The following ENG variants were observed in gnomAD, a reference collection of about 807,000 sequenced individuals.
ENG encodes CD105 antigen.
Under a neutral mutation model 71.0 loss-of-function variants are expected in ENG, and 17 were observed. That is an observed-to-expected ratio of 0.24 (90% CI 0.16 to 0.36). The LOEUF (loss-of-function observed/expected upper bound fraction) is 0.36. Ranked by LOEUF, ENG falls within the 10% of genes least tolerant of loss-of-function variation. ENG has a pLI of 1.00. For synonymous variants in ENG, 360 were observed against 366.9 expected (o/e 0.98, Z 0.21); for missense variants, 749 against 868.3 (o/e 0.86, Z 1.73).
intron 1 of ENG, among the ~76,000 whole-genome samples, chr9:127,845,379 T>C (rs1297370930): frequency 6.6e-6 from 1 of 152,184 alleles, no homozygotes; most frequent in African/African-American, 2.4e-5. Context: ...AGCTCTGTCT[T>C]GGGAAGGAGA....
intron 12 of ENG, 158 bp downstream of exon 12, chr9:127,817,962 A>G (rs1830370153): frequency 7.4e-6 from 9 of 1,208,344 alleles, no homozygotes; most frequent in Non-Finnish European, 1.0e-5. Context: ...GGTGGCAGAA[A>G]GTGCTGCTGG....
intron 2 of ENG, among the ~76,000 whole-genome samples, chr9:127,833,262 C>T (rs1182678769): frequency 6.6e-6 from 1 of 152,146 alleles, no homozygotes; most frequent in Non-Finnish European, 1.5e-5. Context: ...TGGCTTACGC[C>T]TGTAATCCCA....
At chr9:127,832,506 C>A (rs565800526) in intron 2 of ENG, 1 of 146,650 alleles carries the variant, frequency 6.8e-6, no homozygotes, top group East Asian at 2.2e-4. Flanking sequence ...TCACATTTTT[C>A]TTTTCTTTTC....
intron 2 of ENG, among the ~76,000 whole-genome samples, chr9:127,841,870 C>T (rs751170718): frequency 2.6e-5 from 4 of 152,192 alleles, no homozygotes; most frequent in Non-Finnish European, 5.9e-5. Context: ...TGGCCCTGGG[C>T]ACGTCACTCC....
chr9:127,824,167 A>T (rs2131885499), intron 8 of ENG, 137 bp downstream of exon 8: 2 of 1,243,336 alleles, frequency 1.6e-6, no homozygotes, highest in East Asian at 2.4e-5. Flanking sequence ...CAATTCCATT[A>T]TACAAGTGGG....
At position 127,847,944 on chromosome 9, in the gene ENG, T is replaced by C. The variant is rs1413742814; in HGVS notation, c.68-4699A>G. Among the ~76,000 whole-genome samples, 6 of 152,208 alleles carry C rather than the reference T, an allele frequency of 3.9e-5. No individual in the cohort carries two copies. In the South Asian group the frequency reaches 8.3e-4, roughly 21 times the overall value. On this transcript the variant is annotated intron_variant, in intron 1 of 14. Coordinates refer to ENST00000373203, the MANE Select transcript of ENG (RefSeq NM_001114753.3). ...CAAGTTCCTGCACTGCAGCCTACAGTAGAGGTGAAAAGCACAGCGATTTGA... is the reference window on the plus strand; with the variant it reads ...CAAGTTCCTGCACTGCAGCCTACAGCAGAGGTGAAAAGCACAGCGATTTGA...
At chr9:127,819,699 A>T in intron 9 of ENG, 39 bp from the exon 10 acceptor site, 1 of 1,591,924 alleles carries the variant, frequency 6.3e-7, no homozygotes, top group Admixed American at 1.8e-5. Context: ...AGAGCCAGAA[A>T]GGACCCCAGA....
At chr9:127,852,900 T>A (rs940716876) in intron 1 of ENG, among the ~76,000 whole-genome samples, 1 of 152,208 alleles carries the variant, frequency 6.6e-6, no homozygotes, top group African/African-American at 2.4e-5. Context: ...TGCATGGACC[T>A]TTCTCTAACG....
chr9:127,838,184 C>T lies in ENG; in HGVS notation c.219+4910G>A, dbSNP rs757741392. Among the ~76,000 whole-genome samples, 1 of 152,038 alleles carries T rather than the reference C, an allele frequency of 6.6e-6. No homozygotes were observed. Among genetic ancestry groups the T allele is most frequent in the Non-Finnish European group, 1.5e-5 (1 of 68,004 alleles). On this transcript the variant is annotated intron_variant, in intron 2 of 14. Transcript: ENST00000373203. The surrounding 1 kb of genome is among the most constrained non-coding windows in gnomAD (Gnocchi z 4.3). Reference sequence around the variant, plus strand: ...TGCAGTGCTCCCCTGGAGGATGGAACAGGAAAGATCCCTGCAGCCCTGAGA... The same window carrying T: ...TGCAGTGCTCCCCTGGAGGATGGAATAGGAAAGATCCCTGCAGCCCTGAGA...
intron 8 of ENG, among the ~76,000 whole-genome samples, chr9:127,823,028 A>G (rs993382238): frequency 1.3e-5 from 2 of 149,984 alleles, no homozygotes; most frequent in Non-Finnish European, 3.0e-5. Flanking sequence ...TTTAGTAGAG[A>G]CAGGGTTTCA....
intron 1 of ENG, among the ~76,000 whole-genome samples, chr9:127,853,459 C>G (rs1454348190): frequency 6.6e-6 from 1 of 152,114 alleles, no homozygotes; most frequent in African/African-American, 2.4e-5. Context: ...CTGGGGGTCC[C>G]TTGCTCCTCA....
chr9:127,850,387 G>A (rs960481263), intron 1 of ENG, among the ~76,000 whole-genome samples: 5 of 152,276 alleles, frequency 3.3e-5, no homozygotes, highest in African/African-American at 1.2e-4. Context: ...TGGGGCAAAA[G>A]AATGGGTCTG....
At chr9:127,827,379 C>G (rs544621259) in intron 3 of ENG, among the ~76,000 whole-genome samples, 34 of 152,160 alleles carry the variant, frequency 2.2e-4, no homozygotes, top group Non-Finnish European at 4.6e-4. Context: ...GACAGATCTC[C>G]TGGTTGGACA....
intron 2 of ENG, among the ~76,000 whole-genome samples, 197 bp from the exon 3 acceptor site, chr9:127,830,024 G>A (rs1021136277): frequency 6.6e-6 from 1 of 151,834 alleles, no homozygotes; most frequent in Non-Finnish European, 1.5e-5. Flanking sequence ...AATGAAGGAG[G>A]TAAGCCCGGC....
chr9:127,834,198 A>G (rs569198445), intron 2 of ENG, among the ~76,000 whole-genome samples: 23 of 151,098 alleles, frequency 1.5e-4, no homozygotes, highest in African/African-American at 5.4e-4. Context: ...TCAGCCTCCC[A>G]AGTAGCTGGG....
intron 8 of ENG, among the ~76,000 whole-genome samples, chr9:127,820,823 C>T (rs921551780): frequency 1.1e-4 from 16 of 149,122 alleles, no homozygotes; most frequent in Non-Finnish European, 2.1e-4. Flanking sequence ...AGCGAGACTC[C>T]GTCTCAAAAA....
Position 127,834,498 on chromosome 9 carries a change from G to A in ENG, c.220-4671C>T, listed in dbSNP as rs532043314. 3.3e-5 allele frequency among the ~76,000 whole-genome samples: 5 copies of A among 152,284 alleles called. No individual in the cohort carries two copies. The East Asian group carries it at 9.6e-4, about 29-fold the overall frequency. ...CTGCTCACCGCAACCTCCACCTCCTGGGTTCAAGCAATTCTCCTGCCTCAG... is the reference window on the plus strand; with the variant it reads ...CTGCTCACCGCAACCTCCACCTCCTAGGTTCAAGCAATTCTCCTGCCTCAG... On this transcript the variant is annotated intron_variant, in intron 2 of 14. Coordinates refer to ENST00000373203, the MANE Select transcript of ENG (RefSeq NM_001114753.3).
chr9:127,845,246 C>T (rs531124128), intron 1 of ENG, among the ~76,000 whole-genome samples: 2 of 152,186 alleles, frequency 1.3e-5, no homozygotes, highest in Non-Finnish European at 2.9e-5. Context: ...TCTTCTGAAC[C>T]CTGGGCTGTC....
chr9:127,843,696 C>T (rs3053073), intron 1 of ENG, among the ~76,000 whole-genome samples: 10 of 65,824 alleles, frequency 1.5e-4, no homozygotes, highest in East Asian at 4.6e-4. Flanking sequence ...TACATATATA[C>T]ATATATAGAT....
Sources: gnomAD v4.1 joint callset for allele counts (sites outside exome capture counted in the v4.1 genomes callset) on GRCh38, gnomAD v4.1.1 for gene constraint, Gnocchi (gnomAD v3.1) non-coding constraint, MANE v1.5 for transcripts, NCBI Gene and HGNC (gene_info 2026-07-23, HGNC 2026-07-21) for gene names.